Variants in FOCAD observed in about 807,000 individuals in gnomAD.
The protein encoded by FOCAD is focadhesin, also known as KIAA1797.
In FOCAD, 198 loss-of-function variants were observed where a neutral mutation model predicts 225.6. The ratio of observed to expected loss-of-function variants is 0.88; its 90% CI spans 0.78 to 0.99. FOCAD has a LOEUF of 0.99. Ranked by LOEUF, FOCAD falls within the 50% of genes least tolerant of loss-of-function variation. FOCAD has a pLI of 0.00. For missense variants in FOCAD, 2,713 were observed against 2,123.6 expected (o/e 1.28, Z -5.46); for synonymous variants, 897 against 755.0 (o/e 1.19, Z -3.08).
At chr9:20,935,099 A>G (rs1238943331) in intron 28 of FOCAD, among the ~76,000 whole-genome samples, 3 of 152,320 alleles carry the variant, frequency 2.0e-5, no homozygotes, top group East Asian at 3.9e-4. Context: ...CCATCATTCT[A>G]CACAGAACTA....
intron 28 of FOCAD, among the ~76,000 whole-genome samples, chr9:20,941,075 C>T (rs563656321): frequency 6.6e-6 from 1 of 152,162 alleles, no homozygotes; most frequent in East Asian, 1.9e-4. Context: ...CTAGGGCAAG[C>T]CTCCCTCAAG....
At chr9:20,844,319 C>A (rs964820065) in intron 15 of FOCAD, among the ~76,000 whole-genome samples, 2 of 144,352 alleles carry the variant, frequency 1.4e-5, no homozygotes, top group African/African-American at 5.1e-5. Flanking sequence ...AGATAAAGGG[C>A]AGACATGGTT....
intron 19 of FOCAD, among the ~76,000 whole-genome samples, chr9:20,876,025 A>T: frequency 6.6e-6 from 1 of 152,210 alleles, no homozygotes; most frequent in Non-Finnish European, 1.5e-5. Flanking sequence ...CTCTGGTTTC[A>T]TCCCACATGG....
intron 15 of FOCAD, among the ~76,000 whole-genome samples, chr9:20,843,445 A>G (rs751735695): frequency 6.6e-6 from 1 of 152,058 alleles, no homozygotes; most frequent in Non-Finnish European, 1.5e-5. Flanking sequence ...CTAGCCTGTA[A>G]TGTTTCCACA....
chr9:20,976,721 G>C (rs1234752697), intron 36 of FOCAD, among the ~76,000 whole-genome samples, 173 bp downstream of exon 36: 1 of 152,154 alleles, frequency 6.6e-6, no homozygotes, highest in Non-Finnish European at 1.5e-5. Context: ...GAGCCCCTGA[G>C]GGTGAGGAAG....
At chr9:20,918,233 A>C (rs1834035201) in intron 24 of FOCAD, among the ~76,000 whole-genome samples, 1 of 152,236 alleles carries the variant, frequency 6.6e-6, no homozygotes, top group African/African-American at 2.4e-5. Context: ...ATGCAGAAGA[A>C]ACTACCAACT....
In FOCAD at chr9:20,944,782, A is replaced by T; in HGVS notation, c.3555+8A>T. ...AGCAGAACGTTTCAGGAGGTAAGAG[A>T]TGGAGGCTACATTTTTTTCCCCTCT... is the stretch of plus-strand genomic sequence containing the variant. On this transcript the variant is annotated splice_region_variant and intron_variant, in intron 29 of 43. Coordinates refer to ENST00000338382, the MANE Select transcript of FOCAD (RefSeq NM_001375567.1). The T allele has an allele frequency of 6.2e-7, 1 of 1,605,116 alleles. No individual in the cohort carries two copies. Among genetic ancestry groups the T allele is most frequent in the Non-Finnish European group, 8.5e-7 (1 of 1,173,398 alleles).
chr9:20,913,845 G>A (rs1833646894), intron 23 of FOCAD, among the ~76,000 whole-genome samples: 1 of 152,092 alleles, frequency 6.6e-6, no homozygotes, highest in Admixed American at 6.5e-5. Flanking sequence ...AGTGATAATT[G>A]GTGAAGTAGT....
At chr9:20,687,691 T>C (rs913669503) in intron 1 of FOCAD, among the ~76,000 whole-genome samples, 1 of 152,222 alleles carries the variant, frequency 6.6e-6, no homozygotes, top group Non-Finnish European at 1.5e-5. Context: ...TTAAAGGTAT[T>C]GTATTCATTA....
intron 11 of FOCAD, among the ~76,000 whole-genome samples, chr9:20,808,309 C>T (rs73647674): frequency 3.3e-5 from 5 of 152,188 alleles, no homozygotes; most frequent in South Asian, 2.1e-4. Context: ...GCTCAGCTCA[C>T]GTTTACTGAG....
Position 20,946,684 on chromosome 9 carries a change from C to A in FOCAD, c.3556-17C>A. On this transcript the variant is annotated splice_polypyrimidine_tract_variant and intron_variant, in intron 29 of 43. Transcript: ENST00000338382. ...TTCCTCCTGAAGACATATTTTTCTG[C>A]TGTATTTTCTTCTCAGGTCCTTGCC... The A allele has an allele frequency of 6.3e-7, 1 of 1,595,418 alleles. No individual in the cohort carries two copies.
intron 15 of FOCAD, among the ~76,000 whole-genome samples, chr9:20,826,492 T>G (rs1824904700): frequency 6.6e-6 from 1 of 152,098 alleles, no homozygotes; most frequent in African/African-American, 2.4e-5. Flanking sequence ...GTTTTGGGAC[T>G]CAGACTGGCT....
At chr9:20,879,804 C>T (rs1226835657) in intron 19 of FOCAD, among the ~76,000 whole-genome samples, 1 of 152,078 alleles carries the variant, frequency 6.6e-6, no homozygotes, top group African/African-American at 2.4e-5. Flanking sequence ...TAAATTAATC[C>T]CTGGGCTGGT....
In FOCAD at chr9:20,745,383, C is replaced by T. The variant is rs1827965499; in HGVS notation, c.392+5043C>T. On this transcript the variant is annotated intron_variant, in intron 5 of 43. Coordinates refer to ENST00000338382, the MANE Select transcript of FOCAD (RefSeq NM_001375567.1). ...GGGATTACAGGTGTGAGCCATGGCA[C>T]TGGGCCTGTTTAAACATTTTCTAAT... 2.6e-5 allele frequency among the ~76,000 whole-genome samples: 4 copies of T among 152,264 alleles called. No homozygotes were observed. In the South Asian group the frequency reaches 8.3e-4, roughly 32 times the overall value.
chr9:20,895,378 T>G (rs1188060459), intron 21 of FOCAD, among the ~76,000 whole-genome samples: 2 of 151,970 alleles, frequency 1.3e-5, no homozygotes, highest in Non-Finnish European at 2.9e-5. Flanking sequence ...TGAGTGTGAT[T>G]GCATTGAATG....
chr9:20,829,652 AG>A (rs1825287428), intron 15 of FOCAD, among the ~76,000 whole-genome samples: 1 of 152,132 alleles, frequency 6.6e-6, no homozygotes, highest in Non-Finnish European at 1.5e-5. Flanking sequence ...CCTCTAAGTA[AG>A]AGATACTGGA....
At chr9:20,883,935 A>G (rs956202045) in intron 20 of FOCAD, among the ~76,000 whole-genome samples, 2 of 152,328 alleles carry the variant, frequency 1.3e-5, no homozygotes, top group African/African-American at 2.4e-5. Flanking sequence ...AATAAAAAAC[A>G]TAAATAAGCT....
chr9:20,987,867 A>G (rs1304234299), intron 40 of FOCAD, among the ~76,000 whole-genome samples: 2 of 152,218 alleles, frequency 1.3e-5, no homozygotes, highest in Non-Finnish European at 2.9e-5. Flanking sequence ...ATTGCTGCTA[A>G]TGGAAATATA....
At chr9:20,753,885 A>C (rs1475087872) in intron 5 of FOCAD, among the ~76,000 whole-genome samples, 4 of 152,192 alleles carry the variant, frequency 2.6e-5, no homozygotes, top group Non-Finnish European at 5.9e-5. Flanking sequence ...TTTATTTACA[A>C]GTGATCGGGC....
Sources: gnomAD v4.1 joint callset for allele counts (sites outside exome capture counted in the v4.1 genomes callset) on GRCh38, gnomAD v4.1.1 for gene constraint, MANE v1.5 for transcripts, NCBI Gene and HGNC (gene_info 2026-07-23, HGNC 2026-07-21) for gene names.